Variants in IMMP2L observed in about 807,000 individuals in gnomAD.
IMMP2L encodes inner mitochondrial membrane peptidase subunit 2.
A neutral mutation model predicts 19.3 loss-of-function variants in IMMP2L; 18 were observed. The observed-to-expected ratio is 0.93, with a 90% CI of 0.64 to 1.38. IMMP2L has a LOEUF of 1.38. Among genes scored for constraint, IMMP2L ranks in the 40% most tolerant of loss-of-function variants. The pLI, the probability that IMMP2L is intolerant of heterozygous loss-of-function variation, is 0.00. For missense variants in IMMP2L, 233 were observed against 218.2 expected (o/e 1.07, Z -0.43); for synonymous variants, 76 against 73.0 (o/e 1.04, Z -0.21).
chr7:110,738,361 A>G (rs925383640), intron 5 of IMMP2L, among the ~76,000 whole-genome samples: 1 of 152,210 alleles, frequency 6.6e-6, no homozygotes, highest in African/African-American at 2.4e-5. Flanking sequence ...TAGCATAAAT[A>G]AAAAACAATC....
intron 5 of IMMP2L, among the ~76,000 whole-genome samples, chr7:110,688,185 G>A (rs965098085): frequency 2.0e-5 from 3 of 152,116 alleles, no homozygotes; most frequent in South Asian, 4.2e-4. Context: ...GACACAAACC[G>A]CCCAGCTGAG....
intron 5 of IMMP2L, among the ~76,000 whole-genome samples, chr7:110,742,311 G>A (rs938946519): frequency 6.6e-6 from 1 of 152,034 alleles, no homozygotes; most frequent in Non-Finnish European, 1.5e-5. Flanking sequence ...TATATCGTAA[G>A]TAAACTTCTT....
intron 3 of IMMP2L, among the ~76,000 whole-genome samples, chr7:111,138,410 C>T (rs1275752501): frequency 6.6e-6 from 1 of 152,116 alleles, no homozygotes; most frequent in African/African-American, 2.4e-5. Context: ...GCATTTCCTG[C>T]CCCAAATTAA....
At chr7:111,121,895 G>A (rs1236596199) in intron 3 of IMMP2L, among the ~76,000 whole-genome samples, 3 of 152,098 alleles carry the variant, frequency 2.0e-5, no homozygotes, top group Non-Finnish European at 4.4e-5. Flanking sequence ...ATACTATGCA[G>A]CCATAAAAAA....
At chr7:111,282,922 G>T (rs902338005) in intron 3 of IMMP2L, among the ~76,000 whole-genome samples, 7 of 151,972 alleles carry the variant, frequency 4.6e-5, no homozygotes, top group Non-Finnish European at 4.4e-5. Flanking sequence ...CCACTAACTA[G>T]ACAGAAGATC....
chr7:111,460,807 T>G (rs1840071245), intron 3 of IMMP2L, among the ~76,000 whole-genome samples: 1 of 152,048 alleles, frequency 6.6e-6, no homozygotes, highest in South Asian at 2.1e-4. Flanking sequence ...ATGGTCAATA[T>G]AAAAATATGG....
chr7:111,349,963 G>A (rs911975582), intron 3 of IMMP2L, among the ~76,000 whole-genome samples: 5 of 151,066 alleles, frequency 3.3e-5, no homozygotes, highest in Non-Finnish European at 5.9e-5. Flanking sequence ...TCAAAACAAA[G>A]ATGGTCCTTT....
rs1014462359 is a variant in IMMP2L at position 110,964,629 on chromosome 7, C to T, written c.240-1064G>A. ...TCTCTGCCTCTCCTGGTATGTATAT[C>T]CTATGCAGTTCCTTTCCAGACTGTG... On this transcript the variant is annotated intron_variant, in intron 3 of 5. Coordinates refer to ENST00000405709, the MANE Select transcript of IMMP2L (RefSeq NM_032549.4). Among the ~76,000 whole-genome samples the T allele has an allele frequency of 4.4e-4, 67 of 152,090 alleles. 1 individual carries two copies. Among genetic ancestry groups the T allele is most frequent in the Middle Eastern group, 3.4e-3 (1 of 292 alleles).
Position 110,727,125 on chromosome 7 carries a change from C to A in IMMP2L, c.409-63404G>T, listed in dbSNP as rs554757564. On this transcript the variant is annotated intron_variant, in intron 5 of 5. Coordinates refer to ENST00000405709, the MANE Select transcript of IMMP2L (RefSeq NM_032549.4). This position sits in a 1 kb window ranked among gnomAD's most constrained non-coding sequence, Gnocchi z 4.3. ...AGTCCAGGCTGGGTGCAATGGCTCA[C>A]GCCTATAATTCCAGAACTTTGAGAG... Among the ~76,000 whole-genome samples, 3 of 152,182 alleles carry A rather than the reference C, an allele frequency of 2.0e-5. No homozygotes were observed. Among genetic ancestry groups the A allele is most frequent in the Admixed American group, 6.5e-5 (1 of 15,272 alleles).
intron 3 of IMMP2L, among the ~76,000 whole-genome samples, chr7:111,456,712 C>G (rs1839706325): frequency 6.7e-6 from 1 of 150,184 alleles, no homozygotes; most frequent in Non-Finnish European, 1.5e-5. Context: ...ATAGTAACAG[C>G]AAATAAATGT....
intron 3 of IMMP2L, among the ~76,000 whole-genome samples, chr7:111,207,879 A>T (rs1810894891): frequency 6.6e-6 from 1 of 152,020 alleles, no homozygotes; most frequent in African/African-American, 2.4e-5. Flanking sequence ...TTACTCTACC[A>T]GCCTTTTTGT....
intron 3 of IMMP2L, among the ~76,000 whole-genome samples, chr7:111,399,408 C>T (rs1833212177): frequency 6.6e-6 from 1 of 152,074 alleles, no homozygotes; most frequent in Admixed American, 6.5e-5. Flanking sequence ...GTTGCCCAGG[C>T]TGCAGTGCAA....
At chr7:111,531,157 A>T (rs908078610) in intron 1 of IMMP2L, among the ~76,000 whole-genome samples, 1 of 151,970 alleles carries the variant, frequency 6.6e-6, no homozygotes, top group African/African-American at 2.4e-5. Flanking sequence ...GGGTTTCACC[A>T]TGTTAGCCAG....
chr7:110,797,175 T>A (rs1800921387), intron 5 of IMMP2L, among the ~76,000 whole-genome samples: 1 of 151,968 alleles, frequency 6.6e-6, no homozygotes, highest in South Asian at 2.1e-4. Flanking sequence ...AGTTCTGTCT[T>A]TGCTTCTGTC....
chr7:110,694,062 T>G (rs1793696965), intron 5 of IMMP2L, among the ~76,000 whole-genome samples: 1 of 152,322 alleles, frequency 6.6e-6, no homozygotes, highest in South Asian at 2.1e-4. Flanking sequence ...CCATTTCTGA[T>G]GACTTGGAAG....
At chr7:111,485,193 T>C (rs1276276222) in intron 3 of IMMP2L, among the ~76,000 whole-genome samples, 1 of 152,176 alleles carries the variant, frequency 6.6e-6, no homozygotes. Flanking sequence ...GTTAAATATA[T>C]AATACTAGTA....
intron 3 of IMMP2L, among the ~76,000 whole-genome samples, chr7:111,201,705 G>C: frequency 6.8e-6 from 1 of 147,148 alleles, no homozygotes. Context: ...AACAGAGCAA[G>C]ACCCTGTCTC....
chr7:111,363,582 C>T (rs1829459090), intron 3 of IMMP2L, among the ~76,000 whole-genome samples: 1 of 152,058 alleles, frequency 6.6e-6, no homozygotes, highest in Admixed American at 6.6e-5. Flanking sequence ...TGTATCTCTT[C>T]CTCATTATCC....
At chr7:111,069,396 T>C (rs1414931131) in intron 3 of IMMP2L, among the ~76,000 whole-genome samples, 1 of 152,174 alleles carries the variant, frequency 6.6e-6, no homozygotes, top group Non-Finnish European at 1.5e-5. Context: ...AACTAATCTA[T>C]AACAATAGGA....
Sources: gnomAD v4.1 joint callset for allele counts (sites outside exome capture counted in the v4.1 genomes callset) on GRCh38, gnomAD v4.1.1 for gene constraint, Gnocchi (gnomAD v3.1) non-coding constraint, MANE v1.5 for transcripts, NCBI Gene and HGNC (gene_info 2026-07-23, HGNC 2026-07-21) for gene names.